ANKMY1: variants seen among roughly 807,000 people sequenced by gnomAD.
ANKMY1 encodes the protein ankyrin repeat and MYND domain-containing protein 1.
A neutral mutation model predicts 102.0 loss-of-function variants in ANKMY1; 98 were observed. That is an observed-to-expected ratio of 0.96 (90% CI 0.82 to 1.14). The LOEUF is 1.14. Among genes scored for constraint, ANKMY1 ranks in the 50% most tolerant of loss-of-function variants. The pLI, the probability that ANKMY1 is intolerant of heterozygous loss-of-function variation, is 0.00. For missense variants in ANKMY1, 1,330 were observed against 1,347.6 expected, an observed-to-expected ratio of 0.99 and a Z score of 0.20; for synonymous variants, 582 against 559.9, an observed-to-expected ratio of 1.04 and a Z score of -0.56.
chr2:240,543,695 A>T (rs2089593916), intron 4 of ANKMY1, among the ~76,000 whole-genome samples: 1 of 152,136 alleles, frequency 6.6e-6, no homozygotes, highest in Non-Finnish European at 1.5e-5. Context: ...AATGATACAT[A>T]AATAATCTAG....
chr2:240,523,594 C>T (rs144311713), intron 8 of ANKMY1: 5,162 of 494,734 alleles, frequency 0.01, 48 homozygotes, highest in Middle Eastern at 0.025. Flanking sequence ...CACAGAGACA[C>T]TTCAGGCCAG....
chr2:240,558,214 C>T (rs1002840140), upstream of ANKMY1: 2 of 152,830 alleles, frequency 1.3e-5, no homozygotes, highest in African/African-American at 4.8e-5. Flanking sequence ...CGCTAAATTC[C>T]CCCAACACTC....
intron 4 of ANKMY1, among the ~76,000 whole-genome samples, chr2:240,550,784 GT>G (rs1255055299): frequency 1.3e-5 from 2 of 152,102 alleles, no homozygotes; most frequent in Non-Finnish European, 2.9e-5. Flanking sequence ...GTCAACAATA[GT>G]TAATGATTAT....
intron 4 of ANKMY1, among the ~76,000 whole-genome samples, chr2:240,544,875 C>T (rs2089961277): frequency 6.6e-6 from 1 of 152,228 alleles, no homozygotes; most frequent in African/African-American, 2.4e-5. Context: ...CGGAGTCTCG[C>T]TGATTGCTAG....
chr2:240,510,797 C>T (rs543407938), intron 11 of ANKMY1, among the ~76,000 whole-genome samples: 1 of 152,166 alleles, frequency 6.6e-6, no homozygotes, highest in Non-Finnish European at 1.5e-5. Context: ...CTGTCCTGTA[C>T]CCAATGATAG....
the ANKMY1 span, among the ~76,000 whole-genome samples, chr2:240,468,733 A>G: frequency 1.3e-5 from 2 of 152,186 alleles, no homozygotes; most frequent in African/African-American, 4.8e-5. Context: ...ACCCAGGAAT[A>G]GAGGGCCCCC....
intron 12 of ANKMY1, among the ~76,000 whole-genome samples, chr2:240,508,885 G>C (rs2079571860): frequency 6.6e-6 from 1 of 152,094 alleles, no homozygotes; most frequent in Admixed American, 6.5e-5. Context: ...TGGATGGATG[G>C]ACAGACGGAT....
intron 10 of ANKMY1, 46 bp from the exon 11 acceptor site, chr2:240,512,047 T>C (rs1426624853): frequency 6.7e-7 from 1 of 1,489,282 alleles, no homozygotes; most frequent in Non-Finnish European, 8.8e-7. Context: ...ACCTGCCGTG[T>C]GCCCACGGGA....
At chr2:240,501,802 TGGA>T (rs2078229877) in intron 13 of ANKMY1, among the ~76,000 whole-genome samples, 1 of 152,164 alleles carries the variant, frequency 6.6e-6, no homozygotes, top group South Asian at 2.1e-4. Context: ...GGGGCATGGG[TGGA>T]GTTTATACAG....
intron 13 of ANKMY1, 69 bp downstream of exon 13, chr2:240,507,491 C>T: frequency 6.5e-7 from 1 of 1,527,970 alleles, no homozygotes; most frequent in Non-Finnish European, 8.8e-7. Flanking sequence ...CCCTCACACC[C>T]CTCACTCAGG....
At chr2:240,540,420 C>T (rs893988396) in intron 4 of ANKMY1, among the ~76,000 whole-genome samples, 1 of 152,184 alleles carries the variant, frequency 6.6e-6, no homozygotes, top group Non-Finnish European at 1.5e-5. Context: ...GGTCTTAAAG[C>T]TTGAAACTTT....
Position 240,500,091 on chromosome 2 carries a change from C to T in ANKMY1, c.2673G>A (p.Thr891=), listed in dbSNP as rs773328907. Residue 891 remains threonine, a synonymous_variant, in exon 15 of 18, where the codon ACG becomes ACA. Transcript: ENST00000401804. ...DRRIARCPFH[T]LMPAERETFL... ...ACGTCTCGCGCTCTGCTGGCATCAG[C>T]GTGTGGAAGGGGCAGCGGGCAATCC... 6 of 1,609,760 alleles carry T rather than the reference C, an allele frequency of 3.7e-6. No individual in the cohort carries two copies. The highest frequency in any genetic ancestry group is 2.7e-5 in the African/African-American group (2 of 74,950).
downstream of ANKMY1, among the ~76,000 whole-genome samples, chr2:240,477,770 T>C (rs2074953295): frequency 1.3e-5 from 2 of 152,210 alleles, no homozygotes; most frequent in African/African-American, 2.4e-5. Flanking sequence ...CTATATTCAT[T>C]TGGGGAAATT....
intron 3 of ANKMY1, 94 bp from the exon 4 acceptor site, chr2:240,553,151 A>G: frequency 1.4e-6 from 2 of 1,433,308 alleles, no homozygotes; most frequent in Non-Finnish European, 1.9e-6. Context: ...TTGGCAATGA[A>G]TGGGGACCAC....
Position 240,527,051 on chromosome 2 carries a change from G to GT in ANKMY1, c.954-607dup, listed in dbSNP as rs2083625042. The GT allele has an allele frequency of 6.1e-6, 6 of 976,346 alleles. No homozygotes were observed. The South Asian group carries it at 1.9e-4, about 30-fold the overall frequency. The allele number at this position is 976,346 out of a possible 1,614,324, so 60.5% of individuals were successfully genotyped here. On this transcript the variant is annotated intron_variant, in intron 5 of 17. Coordinates refer to ENST00000401804, the MANE Select transcript of ANKMY1 (RefSeq NM_001282771.3). The stretch of plus-strand genomic sequence containing the variant: ...TGGATGGATGGTTGGGTAGGTGGAT[G>GT]TATGTTGCATGAGTGAATTGATGGA...
intron 4 of ANKMY1, among the ~76,000 whole-genome samples, chr2:240,530,516 C>T (rs2085088709): frequency 1.3e-5 from 2 of 152,206 alleles, no homozygotes; most frequent in South Asian, 2.1e-4. Flanking sequence ...GTTCACCTTC[C>T]AACATGACCG....
chr2:240,515,840 C>T (rs930206059), intron 9 of ANKMY1, among the ~76,000 whole-genome samples: 1 of 151,888 alleles, frequency 6.6e-6, no homozygotes, highest in Non-Finnish European at 1.5e-5. Context: ...GCCTCAGCCT[C>T]CCGAGTAGCT....
chr2:240,495,798 A>C (rs1320177983), intron 15 of ANKMY1, among the ~76,000 whole-genome samples: 1 of 151,536 alleles, frequency 6.6e-6, no homozygotes, highest in Non-Finnish European at 1.5e-5. Context: ...AAACTCACAG[A>C]CCCTGTAGGG....
intron 14 of ANKMY1, 120 bp from the exon 15 acceptor site, chr2:240,500,243 A>C: frequency 7.7e-7 from 1 of 1,303,306 alleles, no homozygotes; most frequent in Non-Finnish European, 1.0e-6. Flanking sequence ...ACGAACCCAG[A>C]CAGACACACA....
Sources: allele counts gnomAD v4.1 joint callset (sites outside exome capture counted in the v4.1 genomes callset), GRCh38; gene constraint gnomAD v4.1.1; transcripts MANE v1.5; gene names NCBI Gene and HGNC (gene_info 2026-07-23, HGNC 2026-07-21).